The following OTOGL variants were observed in gnomAD, a reference collection of about 807,000 sequenced individuals.
OTOGL encodes the protein otogelin-like protein.
A neutral mutation model predicts 318.5 loss-of-function variants in OTOGL; 285 were observed. The ratio of observed to expected loss-of-function variants is 0.89; its 90% CI spans 0.81 to 0.99. OTOGL has a LOEUF of 0.99. OTOGL is among the 50% of genes least tolerant of loss of function. OTOGL has a pLI of 0.00. For synonymous variants in OTOGL, 987 were observed against 936.5 expected, an observed-to-expected ratio of 1.05 and a Z score of -0.99; for missense variants, 2,899 against 2,845.6, an observed-to-expected ratio of 1.02 and a Z score of -0.43.
At position 80,320,657 on chromosome 12, in the gene OTOGL, T is replaced by A; in HGVS notation, c.4038T>A (p.Asp1346Glu). Residue 1346 changes from aspartate (D) to glutamate (E), a missense_variant, in exon 34 of 59, where the codon GAT becomes GAA. Asp to Glu is a conservative substitution (Grantham distance 45). Around this residue, in one of 3 missense-constraint regions of OTOGL, gnomAD observed 2,607 missense variants for 2,524.9 expected, o/e 1.03. Transcript: ENST00000547103. ...TDSSVKASKY[D>E]DSEEFKHSSS... The stretch of plus-strand genomic sequence containing the variant: ...CTAGTGTCAAAGCATCAAAATATGA[T>A]GATTCTGAAGAATTTAAACATTCAA... The A allele has an allele frequency of 6.2e-7, 1 of 1,608,304 alleles. No homozygotes were observed.
chr12:80,115,668 G>T (rs1303770678), intron 1 of OTOGL, among the ~76,000 whole-genome samples: 2 of 152,220 alleles, frequency 1.3e-5, no homozygotes, highest in African/African-American at 4.8e-5. Flanking sequence ...CCCCCCAGGT[G>T]CTCTGTCCCA....
intron 29 of OTOGL, among the ~76,000 whole-genome samples, chr12:80,310,065 G>T (rs1886528763): frequency 6.6e-6 from 1 of 152,130 alleles, no homozygotes; most frequent in South Asian, 2.1e-4. Context: ...CATTTAAGAA[G>T]GGTAAAGTAT....
At chr12:80,229,107 C>A in intron 7 of OTOGL, 150 bp from the exon 8 acceptor site, 1 of 905,130 alleles carries the variant, frequency 1.1e-6, no homozygotes, top group South Asian at 2.3e-5. Context: ...GTAAATATTT[C>A]TTTTCTCTCA....
intron 1 of OTOGL, among the ~76,000 whole-genome samples, chr12:80,118,550 G>A (rs572000210): frequency 2.8e-4 from 42 of 152,230 alleles, no homozygotes; most frequent in African/African-American, 9.4e-4. Context: ...TAGTAAACAA[G>A]AGCTCAATCA....
rs1979134 is a variant in OTOGL, at chr12:80,345,052, G to A, written c.5265+2890G>A. 8.8e-4 allele frequency among the ~76,000 whole-genome samples: 54 copies of A among 61,260 alleles called. 3 individuals are homozygous for A. The East Asian group carries it at 0.017, about 19-fold the overall frequency. The allele number at this position is 61,260 out of a possible 152,430, so 40.2% of individuals were successfully genotyped here. A position where few individuals can be genotyped will look rare whatever the true frequency, so the allele number is the denominator to read the frequency against. ...TATATTATAACATATATTATTATAT[G>A]TTATATTTTATATATTATAATATAT... On this transcript the variant is annotated intron_variant, in intron 44 of 58. Coordinates refer to ENST00000547103, the MANE Select transcript of OTOGL (RefSeq NM_001378609.3).
intron 1 of OTOGL, among the ~76,000 whole-genome samples, chr12:80,148,387 T>G (rs973820685): frequency 6.7e-6 from 1 of 150,110 alleles, no homozygotes; most frequent in Non-Finnish European, 1.5e-5. Context: ...TGGCCCCCAC[T>G]CTCTTCTGGC....
At chr12:80,335,923 C>A in intron 38 of OTOGL, 40 bp from the exon 39 acceptor site, 1 of 1,465,434 alleles carries the variant, frequency 6.8e-7, no homozygotes, top group Non-Finnish European at 9.1e-7. Context: ...AAAACATTAG[C>A]TGAGAATGAA....
At chr12:80,290,018 C>T (rs972846244) in intron 26 of OTOGL, among the ~76,000 whole-genome samples, 2 of 152,118 alleles carry the variant, frequency 1.3e-5, no homozygotes, top group Non-Finnish European at 2.9e-5. Flanking sequence ...AACCTGGGGC[C>T]CTGGTGTCGT....
intron 1 of OTOGL, among the ~76,000 whole-genome samples, chr12:80,186,415 A>G (rs1337161734): frequency 6.6e-6 from 1 of 151,864 alleles, no homozygotes. Context: ...TGTCTCTTGT[A>G]TTATTTTCCT....
intron 4 of OTOGL, among the ~76,000 whole-genome samples, chr12:80,217,287 G>T (rs1409528391): frequency 6.6e-6 from 1 of 152,048 alleles, no homozygotes; most frequent in East Asian, 1.9e-4. Flanking sequence ...GGGGCTGGGG[G>T]GAAGACTGGA....
At chr12:80,121,500 T>G (rs1191683018) in intron 1 of OTOGL, among the ~76,000 whole-genome samples, 1 of 151,976 alleles carries the variant, frequency 6.6e-6, no homozygotes, top group African/African-American at 2.4e-5. Flanking sequence ...CTCTAATCCC[T>G]CCCTAGAGCA....
intron 6 of OTOGL, among the ~76,000 whole-genome samples, chr12:80,221,399 G>A (rs905862047): frequency 6.6e-6 from 1 of 151,676 alleles, no homozygotes; most frequent in East Asian, 1.9e-4. Context: ...TGGGTAGCTG[G>A]GATTACAGAT....
intron 26 of OTOGL, among the ~76,000 whole-genome samples, chr12:80,289,911 G>T (rs1202849374): frequency 6.6e-6 from 1 of 152,016 alleles, no homozygotes; most frequent in East Asian, 1.9e-4. Context: ...GAACGGTTTT[G>T]TCTTGCTGGG....
intron 29 of OTOGL, among the ~76,000 whole-genome samples, chr12:80,309,509 TGTG>T (rs1886487521): frequency 6.6e-6 from 1 of 152,072 alleles, no homozygotes; most frequent in Non-Finnish European, 1.5e-5. Context: ...TAATTTTGGT[TGTG>T]GTGTAAGGTC....
intron 57 of OTOGL, among the ~76,000 whole-genome samples, chr12:80,374,147 C>T (rs1018795923): frequency 6.6e-6 from 1 of 152,136 alleles, no homozygotes; most frequent in African/African-American, 2.4e-5. Context: ...CAGCAGGGCT[C>T]ATTCCTTGGA....
At chr12:80,370,773 A>G in intron 56 of OTOGL, 84 bp downstream of exon 56, 4 of 1,024,956 alleles carry the variant, frequency 3.9e-6, no homozygotes, top group Non-Finnish European at 5.4e-6. Flanking sequence ...TCATACTTTC[A>G]TTGTGGCTTA....
chr12:80,184,373 T>C (rs887792647), intron 1 of OTOGL, among the ~76,000 whole-genome samples: 2 of 152,214 alleles, frequency 1.3e-5, no homozygotes, highest in African/African-American at 4.8e-5. Context: ...CAGAATAATA[T>C]ATATCTTAAT....
chr12:80,198,237 T>A (rs900523365), intron 1 of OTOGL, among the ~76,000 whole-genome samples: 1 of 152,218 alleles, frequency 6.6e-6, no homozygotes, highest in East Asian at 1.9e-4. Flanking sequence ...TTGAGTATCC[T>A]CTTTTATCTG....
At chr12:80,330,031 A>G (rs1887973523) in intron 37 of OTOGL, among the ~76,000 whole-genome samples, 1 of 152,208 alleles carries the variant, frequency 6.6e-6, no homozygotes, top group Non-Finnish European at 1.5e-5. Flanking sequence ...TCCTATTAGA[A>G]GGACAGCATG....
Sources: allele counts gnomAD v4.1 joint callset (sites outside exome capture counted in the v4.1 genomes callset), GRCh38; gene constraint gnomAD v4.1.1; regional missense constraint gnomAD v4.1.1; transcripts MANE v1.5; gene names NCBI Gene and HGNC (gene_info 2026-07-23, HGNC 2026-07-21).